Variants in CAST observed in about 807,000 individuals in gnomAD.
The protein encoded by CAST is MIR583 host.
CAST carries 76 observed loss-of-function variants against 119.6 expected under a neutral mutation model. The ratio of observed to expected loss-of-function variants is 0.64; its 90% confidence interval spans 0.53 to 0.77. The LOEUF (loss-of-function observed/expected upper bound fraction) is 0.77. Ranked by LOEUF, CAST falls within the 30% of genes least tolerant of loss-of-function variation. CAST has a pLI of 0.00. For synonymous variants in CAST, 319 were observed against 331.6 expected (o/e 0.96, Z 0.41); for missense variants, 953 against 946.5 (o/e 1.01, Z -0.09).
the CAST span, among the ~76,000 whole-genome samples, chr5:96,295,820 C>A: frequency 6.6e-6 from 1 of 151,970 alleles, no homozygotes; most frequent in Non-Finnish European, 1.5e-5. Flanking sequence ...AAAAAATACA[C>A]GAAATGGTAT....
At chr5:96,658,729 A>G (rs1229611764), upstream of CAST, among the ~76,000 whole-genome samples, 1 of 152,236 alleles carries the variant, frequency 6.6e-6, no homozygotes, top group East Asian at 1.9e-4. Context: ...TTATTCCATC[A>G]TCAGAATAAC....
chr5:96,425,036 GAA>G, the CAST span, among the ~76,000 whole-genome samples: 883 of 138,950 alleles, frequency 6.4e-3, 13 homozygotes, highest in African/African-American at 0.024. Context: ...AAGAAAGAAA[GAA>G]AGAAAGAAAG....
chr5:96,505,549 A>T, the CAST span, among the ~76,000 whole-genome samples: 25 of 152,310 alleles, frequency 1.6e-4, no homozygotes, highest in Admixed American at 4.6e-4. Flanking sequence ...GTCACTGCTG[A>T]ATCTTTAGCC....
chr5:96,357,645 G>A, the CAST span, among the ~76,000 whole-genome samples: 52 of 152,250 alleles, frequency 3.4e-4, no homozygotes, highest in Admixed American at 5.9e-4. Context: ...ATTGATTTGC[G>A]TATGTTGAAG....
At chr5:96,409,372 T>G in the CAST span, among the ~76,000 whole-genome samples, 1 of 152,216 alleles carries the variant, frequency 6.6e-6, no homozygotes, top group Non-Finnish European at 1.5e-5. Context: ...GCTCTGCTCC[T>G]CAGAGGGCTG....
chr5:96,392,649 A>T, the CAST span: 10 of 228,582 alleles, frequency 4.4e-5, 1 homozygote, highest in South Asian at 8.5e-4. Context: ...TTTTCAAATT[A>T]ATTGATATCC....
At chr5:96,425,027 A>G in the CAST span, among the ~76,000 whole-genome samples, 1 of 87,050 alleles carries the variant, frequency 1.1e-5, no homozygotes, top group Non-Finnish European at 2.7e-5. Context: ...AAAGAAAGAA[A>G]GAAAGAAAGA....
rs777225116 is a variant in CAST, at chr5:96,765,359, T to C, written c.2037+34T>C. 6.1e-6 allele frequency: 5 copies of C among 820,312 alleles called. No homozygotes were observed. In the African/African-American group the frequency reaches 9.5e-5, roughly 16 times the overall value. The allele number at this position is 820,312 out of a possible 1,614,324, so 50.8% of individuals were successfully genotyped here. A position where few individuals can be genotyped will look rare whatever the true frequency, so the allele number is the denominator to read the frequency against. The stretch of plus-strand genomic sequence containing the variant: ...AAAAAAAAAAAAAAAAAAAATTCAC[T>C]AATAGTGAAATTTTAATCCTTGGGT... On this transcript the variant is annotated intron_variant, in intron 26 of 31. Transcript: ENST00000675179.
the CAST span, chr5:96,393,374 T>C: frequency 6.2e-7 from 1 of 1,613,772 alleles, no homozygotes; most frequent in Middle Eastern, 1.7e-4. Context: ...TTGTGTGGGC[T>C]GCTCCTAAAA....
chr5:96,365,988 G>A, the CAST span, among the ~76,000 whole-genome samples: 2 of 152,098 alleles, frequency 1.3e-5, no homozygotes, highest in African/African-American at 2.4e-5. Flanking sequence ...TCCATGTTTA[G>A]TGCTTCCTTC....
chr5:96,618,362 GC>G (rs1747514695), intron 1 of CAST, among the ~76,000 whole-genome samples: 2 of 152,328 alleles, frequency 1.3e-5, no homozygotes, highest in South Asian at 4.1e-4. Context: ...CGTGCTAGCA[GC>G]CCTTGCTTGC....
chr5:96,631,714 A>G (rs1424663032), intron 1 of CAST, among the ~76,000 whole-genome samples: 1 of 151,170 alleles, frequency 6.6e-6, no homozygotes, highest in Non-Finnish European at 1.5e-5. Flanking sequence ...TTGTATTTTT[A>G]GTAGAGATGG....
At chr5:96,486,895 A>G in the CAST span, among the ~76,000 whole-genome samples, 1 of 152,174 alleles carries the variant, frequency 6.6e-6, no homozygotes. Context: ...CTAAAGAAAG[A>G]GAAGCACAAG....
the CAST span, among the ~76,000 whole-genome samples, chr5:96,502,614 GTCTTTCTTTCTT>G: frequency 0.053 from 7,539 of 143,228 alleles, 204 homozygotes; most frequent in East Asian, 0.079. Flanking sequence ...AAGTTACCTA[GTCTTTCTTTCTT>G]TCTTTCTTTC....
chr5:96,568,237 T>C (rs1386976165), intron 1 of CAST, among the ~76,000 whole-genome samples: 1 of 152,120 alleles, frequency 6.6e-6, no homozygotes, highest in Non-Finnish European at 1.5e-5. Context: ...TCATACATTG[T>C]TGACAGATGT....
chr5:96,707,826 A>G (rs1302008622), intron 3 of CAST, among the ~76,000 whole-genome samples: 2 of 152,192 alleles, frequency 1.3e-5, no homozygotes, highest in Non-Finnish European at 2.9e-5. Flanking sequence ...TTAAGAGTCA[A>G]AGACCTAGAC....
At chr5:96,398,421 A>T in the CAST span, among the ~76,000 whole-genome samples, 10 of 152,244 alleles carry the variant, frequency 6.6e-5, no homozygotes, top group Admixed American at 6.5e-4. Context: ...ATCATATAAA[A>T]TGGCCTTATT....
chr5:96,662,186 T>G, upstream of CAST: 1 of 430,430 alleles, frequency 2.3e-6, no homozygotes. Flanking sequence ...GGGCGGAGGG[T>G]GTTAAGTTAC....
Position 96,754,096 on chromosome 5 carries a change from G to A in CAST, c.1561G>A (p.Ala521Thr), listed in dbSNP as rs776725276. The A allele has an allele frequency of 1.2e-6, 2 of 1,613,890 alleles. No individual in the cohort carries two copies. The highest frequency in any genetic ancestry group is 1.1e-5 in the South Asian group (1 of 91,074). Residue 521 changes from alanine (A) to threonine (T), a missense_variant, in exon 21 of 32, where the codon GCT (alanine) becomes ACT (threonine). Physicochemically the swap from Ala to Thr is moderately conservative, Grantham distance 58. Transcript: ENST00000675179. The stretch of plus-strand genomic sequence containing the variant: ...GCCAGATGATGCTGTAGAAGCCTTG[G>A]CTGATAGCCTGGGGAAAAAGGAAGC... ...TVPDDAVEAL[A>T]DSLGKKEADP...
Sources: gnomAD v4.1 joint callset for allele counts (sites outside exome capture counted in the v4.1 genomes callset) on GRCh38, gnomAD v4.1.1 for gene constraint, MANE v1.5 for transcripts, NCBI Gene and HGNC (gene_info 2026-07-23, HGNC 2026-07-21) for gene names.